TANC1: variants seen among roughly 807,000 people sequenced by gnomAD.
The protein encoded by TANC1 is protein TANC1.
In TANC1, 77 loss-of-function variants were observed where a neutral mutation model predicts 149.7. The ratio of observed to expected loss-of-function variants is 0.51; its 90% CI spans 0.43 to 0.62. The LOEUF is 0.62. TANC1 is among the 20% of genes least tolerant of loss of function. TANC1 has a pLI of 0.00. For synonymous variants in TANC1, 854 were observed against 925.0 expected, an observed-to-expected ratio of 0.92 and a Z score of 1.39; for missense variants, 1,985 against 2,321.8, an observed-to-expected ratio of 0.85 and a Z score of 2.98.
chr2:159,137,591 A>G (rs989894250), intron 5 of TANC1, among the ~76,000 whole-genome samples: 2 of 152,188 alleles, frequency 1.3e-5, no homozygotes, highest in Admixed American at 6.5e-5. Context: ...AGGATAGCCA[A>G]CTGCTGGTAC....
chr2:159,029,166 C>T (rs1010109187), intron 2 of TANC1, among the ~76,000 whole-genome samples: 4 of 152,126 alleles, frequency 2.6e-5, no homozygotes, highest in African/African-American at 9.7e-5. Flanking sequence ...CATGTGGTAG[C>T]ATGTATCAGG....
Position 158,981,528 on chromosome 2 carries a change from TATATATATATATATAA to T in TANC1, c.-126+12748_-126+12763del, listed in dbSNP as rs1176106382. Among the ~76,000 whole-genome samples the T allele has an allele frequency of 7.0e-4, 80 of 114,528 alleles. 1 individual carries two copies. The highest frequency in any genetic ancestry group is 1.2e-3 in the Non-Finnish European group (65 of 54,592). 75.1% of individuals were successfully genotyped at this position (114,528 alleles called of 152,430 possible). On this transcript the variant is annotated intron_variant, in intron 1 of 26. Coordinates refer to ENST00000263635, the MANE Select transcript of TANC1 (RefSeq NM_033394.3). ...ATATATATATATATATATATATATA[TATATATATATATATAA>T]AGAAGTAACAGCTTAGAGTTTAAAA...
intron 8 of TANC1, among the ~76,000 whole-genome samples, chr2:159,166,344 G>A (rs1165584178): frequency 1.3e-5 from 2 of 152,116 alleles, no homozygotes; most frequent in Non-Finnish European, 2.9e-5. Flanking sequence ...CACAACTTTA[G>A]CAAATGTTCT....
At chr2:159,091,930 G>T (rs2045583548) in intron 3 of TANC1, among the ~76,000 whole-genome samples, 1 of 148,666 alleles carries the variant, frequency 6.7e-6, no homozygotes, top group Non-Finnish European at 1.5e-5. Flanking sequence ...ACTGGATCTT[G>T]TGGAAGAAAT....
intron 3 of TANC1, among the ~76,000 whole-genome samples, chr2:159,094,780 G>A (rs1368293785): frequency 6.7e-6 from 1 of 148,262 alleles, no homozygotes; most frequent in Non-Finnish European, 1.5e-5. Context: ...TGTGTGGGGG[G>A]GGGGTGGGGG....
rs756326223 is a variant in TANC1 at position 159,178,774 on chromosome 2, C to G, written c.2121C>G (p.Leu707=). The change falls in exon 14 of 27, where the codon CTC becomes CTG. Residue 707 remains leucine (L), a synonymous_variant. Coordinates refer to ENST00000263635, the MANE Select transcript of TANC1 (RefSeq NM_033394.3). ...GGAGCCTCGGCTCCTACCTGTACCTCAAGCTCACCCTGGACCTTTTCCAGA... is the reference window on the plus strand; with the variant it reads ...GGAGCCTCGGCTCCTACCTGTACCTGAAGCTCACCCTGGACCTTTTCCAGA... ...VLRSLGSYLY[L]KLTLDLFQRG... The G allele has an allele frequency of 1.2e-6, 2 of 1,614,088 alleles. No individual in the cohort carries two copies. The highest frequency in any genetic ancestry group is 1.7e-6 in the Non-Finnish European group (2 of 1,180,048).
In TANC1 at chr2:159,048,935, T is replaced by G. The variant is rs1375423199; in HGVS notation, c.-15-16961T>G. Among the ~76,000 whole-genome samples the G allele has an allele frequency of 3.9e-5, 6 of 152,288 alleles. No individual in the cohort carries two copies. The East Asian group carries it at 7.7e-4, about 20-fold the overall frequency. On this transcript the variant is annotated intron_variant, in intron 2 of 26. Transcript: ENST00000263635. The stretch of plus-strand genomic sequence containing the variant: ...CATGAGCCACCACAATTGGCCCTCT[T>G]TATTCTGTTAAATTGCTCTTGGGAG...
chr2:159,204,412 G>A (rs1326105526), intron 19 of TANC1, among the ~76,000 whole-genome samples: 1 of 152,186 alleles, frequency 6.6e-6, no homozygotes, highest in Non-Finnish European at 1.5e-5. Context: ...TGTGCTGAAG[G>A]CATGGTGGGC....
intron 23 of TANC1, 173 bp downstream of exon 23, chr2:159,224,537 A>C: frequency 4.8e-5 from 35 of 725,640 alleles, no homozygotes; most frequent in Non-Finnish European, 7.3e-5. Context: ...TAAGTAGCTC[A>C]CGGTGTTTCT....
chr2:159,096,092 G>A (rs1441913579), intron 3 of TANC1, among the ~76,000 whole-genome samples: 1 of 152,108 alleles, frequency 6.6e-6, no homozygotes, highest in Non-Finnish European at 1.5e-5. Flanking sequence ...TGTGCTTGTG[G>A]GAAAGTTTAT....
chr2:159,150,512 G>A lies in TANC1; in HGVS notation c.638G>A (p.Ser213Asn). 6.2e-7 allele frequency: 1 copy of A among 1,614,144 alleles called. No homozygotes were observed. The highest frequency in any genetic ancestry group is 8.5e-7 in the Non-Finnish European group (1 of 1,180,006). ...AACAAAAGTCCCTGTGAGACCATTA[G>A]CAGCCCTAGTTCCACCCTGGAAAGC... is the stretch of plus-strand genomic sequence containing the variant. ...AANKSPCETI[S>N]SPSSTLESKD... is the part of the protein sequence containing the mutation. The change falls in exon 7 of 27, where the codon AGC becomes AAC. Residue 213 changes from serine (S) to asparagine (N), a missense_variant. Ser to Asn is a conservative substitution (Grantham distance 46). This residue lies in a region of TANC1 where 557 missense variants were observed against 612.9 expected (regional missense o/e 0.91). Coordinates refer to ENST00000263635, the MANE Select transcript of TANC1 (RefSeq NM_033394.3).
intron 4 of TANC1, among the ~76,000 whole-genome samples, chr2:159,125,512 C>T (rs1243369580): frequency 1.3e-5 from 2 of 152,146 alleles, no homozygotes; most frequent in Non-Finnish European, 1.5e-5. Flanking sequence ...CTTCCAGGCT[C>T]ATTCAGGAGG....
intron 20 of TANC1, among the ~76,000 whole-genome samples, chr2:159,218,091 T>G (rs2059462755): frequency 2.6e-5 from 1 of 37,990 alleles, no homozygotes; most frequent in African/African-American, 1.1e-4. Context: ...TTTGTTTTGT[T>G]TTTTTACTAT....
chr2:159,098,736 C>CA lies in TANC1; in HGVS notation c.259+910dup, dbSNP rs146035473. Among the ~76,000 whole-genome samples, 43 of 150,938 alleles carry CA rather than the reference C, an allele frequency of 2.8e-4. No homozygotes were observed. In the South Asian group the frequency reaches 6.3e-3, roughly 22 times the overall value. ...AATGTGTTTTACACTTAACATTACC[C>CA]AAAAAAAACAAAACAGAACTTTGAG... On this transcript the variant is annotated intron_variant, in intron 4 of 26. Coordinates refer to ENST00000263635, the MANE Select transcript of TANC1 (RefSeq NM_033394.3).
intron 26 of TANC1, 21 bp downstream of exon 26, chr2:159,228,917 T>C (rs1194514488): frequency 1.3e-6 from 2 of 1,593,878 alleles, no homozygotes; most frequent in South Asian, 2.2e-5. Context: ...TGGTTATCTT[T>C]GTGTCTAGAG....
intron 4 of TANC1, among the ~76,000 whole-genome samples, chr2:159,115,334 G>A (rs1002927322): frequency 1.3e-5 from 2 of 152,144 alleles, no homozygotes; most frequent in South Asian, 2.1e-4. Flanking sequence ...TTTCACACAG[G>A]CCTCCTTGGG....
At chr2:159,025,189 T>TTTCC in intron 2 of TANC1, among the ~76,000 whole-genome samples, 1 of 105,286 alleles carries the variant, frequency 9.5e-6, no homozygotes, top group East Asian at 2.7e-4. Flanking sequence ...TTTTTCTTTC[T>TTTCC]TTTCTTTCTT....
chr2:158,977,327 T>C (rs544826007), intron 1 of TANC1, among the ~76,000 whole-genome samples: 15 of 151,980 alleles, frequency 9.9e-5, no homozygotes, highest in African/African-American at 3.6e-4. Flanking sequence ...AATTTTTTTT[T>C]TGAGATGGAA....
intron 2 of TANC1, among the ~76,000 whole-genome samples, chr2:159,054,402 GGTGGGTGATTCTAATCACCCTGC>G (rs1288663192): frequency 6.6e-6 from 1 of 152,158 alleles, no homozygotes; most frequent in African/African-American, 2.4e-5. Context: ...AGAATCACCT[GGTGGGTGATTCTAATCACCCTGC>G]GTGGGTATTG....
Sources: allele counts gnomAD v4.1 joint callset (sites outside exome capture counted in the v4.1 genomes callset), GRCh38; gene constraint gnomAD v4.1.1; regional missense constraint gnomAD v4.1.1; transcripts MANE v1.5; gene names NCBI Gene and HGNC (gene_info 2026-07-23, HGNC 2026-07-21).